The following DCN variants were observed in gnomAD, a reference collection of about 807,000 sequenced individuals.
DCN encodes decorin.
DCN carries 17 observed loss-of-function variants against 36.5 expected under a neutral mutation model. That is an observed-to-expected ratio of 0.47 (90% CI 0.32 to 0.70). The LOEUF is 0.70. Ranked by LOEUF, DCN falls within the 30% of genes least tolerant of loss-of-function variation. The probability of loss-of-function intolerance (pLI) is 0.04; values close to 1 mark genes in which losing one functional copy is unlikely to be tolerated. For missense variants in DCN, 389 were observed against 430.1 expected (o/e 0.90, Z 0.84); for synonymous variants, 163 against 161.4 (o/e 1.01, Z -0.07).
intron 2 of DCN, among the ~76,000 whole-genome samples, chr12:91,168,035 G>T (rs142226876): frequency 2.7e-3 from 407 of 152,222 alleles, no homozygotes; most frequent in African/African-American, 9.2e-3. Context: ...GTTTCACCGT[G>T]TTAGCCAGGA....
chr12:91,147,888 A>G (rs974748813), intron 7 of DCN, among the ~76,000 whole-genome samples: 1 of 152,172 alleles, frequency 6.6e-6, no homozygotes, highest in Non-Finnish European at 1.5e-5. Context: ...ATGTTTTACA[A>G]TCATGTTTAA....
intron 4 of DCN, 84 bp from the exon 5 acceptor site, chr12:91,157,272 T>A: frequency 1.1e-6 from 1 of 939,308 alleles, no homozygotes; most frequent in South Asian, 1.3e-5. Flanking sequence ...GCAAGCAACC[T>A]ATAAAGAAAT....
chr12:91,180,361 AGAAAG>A (rs1239053992), intron 1 of DCN: 1 of 150,578 alleles, frequency 6.6e-6, no homozygotes, highest in East Asian at 1.9e-4. Context: ...AAAGAGAAAA[AGAAAG>A]AAAGGAAGAA....
At chr12:91,164,548 T>C (rs530254085) in intron 3 of DCN, 57 bp downstream of exon 3, 20 of 973,404 alleles carry the variant, frequency 2.1e-5, no homozygotes, top group Non-Finnish European at 3.0e-5. Context: ...CTAGGTAGTG[T>C]TTTGAAAAAT....
intron 1 of DCN, 28 bp from the exon 2 acceptor site, chr12:91,178,613 G>A: frequency 1.5e-6 from 2 of 1,353,992 alleles, no homozygotes; most frequent in Non-Finnish European, 2.1e-6. Flanking sequence ...GATTTAAGAA[G>A]AGTAGCACTG....
intron 5 of DCN, among the ~76,000 whole-genome samples, chr12:91,155,258 T>C (rs1201805061): frequency 6.6e-6 from 1 of 152,166 alleles, no homozygotes; most frequent in African/African-American, 2.4e-5. Flanking sequence ...CATTTTCCAC[T>C]TTTATGAAAC....
intron 4 of DCN, 122 bp from the exon 5 acceptor site, chr12:91,157,310 A>G (rs541473594): frequency 1.3e-6 from 1 of 746,762 alleles, no homozygotes; most frequent in Admixed American, 2.1e-5. Context: ...TGACTAAAAA[A>G]CAAAAGTGAA....
At chr12:91,164,842 C>T in intron 2 of DCN, 125 bp from the exon 3 acceptor site, 1 of 666,540 alleles carries the variant, frequency 1.5e-6, no homozygotes, top group Admixed American at 2.4e-5. Flanking sequence ...ACATATTTTT[C>T]TTCTTCTAAG....
At chr12:91,164,903 T>A (rs945644089) in intron 2 of DCN, among the ~76,000 whole-genome samples, 186 bp from the exon 3 acceptor site, 1 of 152,220 alleles carries the variant, frequency 6.6e-6, no homozygotes, top group Admixed American at 6.5e-5. Flanking sequence ...TGCAACCAAG[T>A]CAAATGACTT....
At chr12:91,175,768 T>C (rs946284377) in intron 2 of DCN, 2 of 152,108 alleles carry the variant, frequency 1.3e-5, no homozygotes. Flanking sequence ...TTTATTTTCT[T>C]TATTATAATA....
At chr12:91,159,086 T>C (rs377109430) in intron 3 of DCN, among the ~76,000 whole-genome samples, 3 of 152,188 alleles carry the variant, frequency 2.0e-5, no homozygotes, top group African/African-American at 7.2e-5. Flanking sequence ...TATGTATGTA[T>C]ATGTACGTGT....
In DCN at chr12:91,145,961, T is replaced by C. The variant is rs770199273; in HGVS notation, c.*97A>G. On this transcript the variant is annotated 3_prime_UTR_variant, in exon 8 of 8. Coordinates refer to ENST00000052754, the MANE Select transcript of DCN (RefSeq NM_001920.5). The stretch of plus-strand genomic sequence containing the variant: ...AAGTCATGTGGGTAAAACATCCACA[T>C]TGCAGTTAGGTTTCCAGTATCTAGC... The C allele has an allele frequency of 5.7e-6, 6 of 1,055,804 alleles. No individual in the cohort carries two copies. Among genetic ancestry groups the C allele is most frequent in the Non-Finnish European group, 8.8e-6 (6 of 680,676 alleles). The allele number at this position is 1,055,804 out of a possible 1,614,324, so 65.4% of individuals were successfully genotyped here.
chr12:91,169,164 A>C (rs1052899567), intron 2 of DCN, among the ~76,000 whole-genome samples: 1 of 152,126 alleles, frequency 6.6e-6, no homozygotes, highest in African/African-American at 2.4e-5. Flanking sequence ...TTGGAATCTC[A>C]GACAGGTGGA....
chr12:91,181,176 G>A (rs1868383114), intron 1 of DCN, among the ~76,000 whole-genome samples: 1 of 151,590 alleles, frequency 6.6e-6, no homozygotes, highest in Non-Finnish European at 1.5e-5. Flanking sequence ...ATGTGTGTGT[G>A]TTCATGTGTG....
chr12:91,158,157 T>C (rs895285516), intron 4 of DCN, 139 bp downstream of exon 4: 7 of 640,830 alleles, frequency 1.1e-5, no homozygotes, highest in South Asian at 1.8e-5. Flanking sequence ...CCAATTTCTC[T>C]TGGCCCTGTT....
At chr12:91,177,201 A>G (rs1270988535) in intron 2 of DCN, 1 of 187,832 alleles carries the variant, frequency 5.3e-6, no homozygotes, top group East Asian at 1.4e-4. Context: ...TTGGGTTTTA[A>G]ATAGCTATAC....
intron 2 of DCN, among the ~76,000 whole-genome samples, chr12:91,168,864 A>G (rs1441190902): frequency 2.0e-5 from 3 of 152,302 alleles, no homozygotes; most frequent in Admixed American, 6.5e-5. Context: ...TGTCACATAC[A>G]TATCTCAAGA....
At position 91,143,376 on chromosome 12, in the gene DCN, G is replaced by A. The variant is rs1880815707; in HGVS notation, c.*2682C>T. ...GACAAAAGACAGACATGGTACAATA[G>A]GAAACGAGAGGACTCTCTGCTGACT... is the stretch of plus-strand genomic sequence containing the variant. On this transcript the variant is annotated 3_prime_UTR_variant, in exon 8 of 8. Transcript: ENST00000052754. 6.6e-6 allele frequency: 1 copy of A among 152,164 alleles called. No individual in the cohort carries two copies. The highest frequency in any genetic ancestry group is 2.1e-4 in the South Asian group (1 of 4,832). The allele number at this position is 152,164 out of a possible 1,614,324, so 9.4% of individuals were successfully genotyped here.
Position 91,158,531 on chromosome 12 carries a change from A to G in DCN, c.325-22T>C, listed in dbSNP as rs1187250227. 4 of 1,224,840 alleles carry G rather than the reference A, an allele frequency of 3.3e-6. No individual in the cohort carries two copies. The East Asian group carries it at 7.0e-5, about 21-fold the overall frequency. 75.9% of individuals were successfully genotyped at this position (1,224,840 alleles called of 1,614,324 possible). On this transcript the variant is annotated intron_variant, in intron 3 of 7. Coordinates refer to ENST00000052754, the MANE Select transcript of DCN (RefSeq NM_001920.5). ...ATGCCTGTAGATAGTGAAGAAAAAC[A>G]TCTCTTTAAATCCAAAACCTTCCAC...
Sources: gnomAD v4.1 joint callset for allele counts (sites outside exome capture counted in the v4.1 genomes callset) on GRCh38, gnomAD v4.1.1 for gene constraint, MANE v1.5 for transcripts, NCBI Gene and HGNC (gene_info 2026-07-23, HGNC 2026-07-21) for gene names.